PAPPA: variants seen among roughly 807,000 people sequenced by gnomAD.
The protein encoded by PAPPA is pappalysin 1.
Under a neutral mutation model 164.0 loss-of-function variants are expected in PAPPA, and 60 were observed. The ratio of observed to expected loss-of-function variants is 0.37; its 90% CI spans 0.30 to 0.45. PAPPA has a LOEUF of 0.45. PAPPA is among the 20% of genes least tolerant of loss of function. The pLI, the probability that PAPPA is intolerant of heterozygous loss-of-function variation, is 1.00. For missense variants in PAPPA, 1,782 were observed against 2,087.3 expected (o/e 0.85, Z 2.85); for synonymous variants, 875 against 814.1 (o/e 1.07, Z -1.27).
At chr9:116,258,883 C>G (rs193166257) in intron 7 of PAPPA, among the ~76,000 whole-genome samples, 23 of 152,204 alleles carry the variant, frequency 1.5e-4, no homozygotes, top group African/African-American at 4.3e-4. Context: ...CCTGTAATCC[C>G]AACACTTTGG....
intron 7 of PAPPA, among the ~76,000 whole-genome samples, 186 bp from the exon 8 acceptor site, chr9:116,265,671 G>C (rs1256393533): frequency 6.6e-6 from 1 of 152,182 alleles, no homozygotes; most frequent in East Asian, 1.9e-4. Flanking sequence ...TTTTAGTGTA[G>C]TCCATTATAC....
At chr9:116,293,669 A>G (rs1285894238) in intron 9 of PAPPA, among the ~76,000 whole-genome samples, 2 of 152,226 alleles carry the variant, frequency 1.3e-5, no homozygotes, top group African/African-American at 4.8e-5. Flanking sequence ...AAGTATTTCA[A>G]ACAGGCTGGG....
intron 9 of PAPPA, among the ~76,000 whole-genome samples, chr9:116,273,761 G>A (rs961608953): frequency 2.6e-5 from 4 of 152,062 alleles, no homozygotes; most frequent in Admixed American, 2.6e-4. Flanking sequence ...GTGACAGAGC[G>A]AGACCCTGTC....
intron 13 of PAPPA, among the ~76,000 whole-genome samples, chr9:116,337,676 A>C (rs1193265478): frequency 7.3e-4 from 90 of 123,498 alleles, no homozygotes; most frequent in South Asian, 1.6e-3. Context: ...CTTTTCTCCC[A>C]CCTCTCCATC....
At chr9:116,182,998 G>A (rs1843925092) in intron 1 of PAPPA, among the ~76,000 whole-genome samples, 1 of 152,154 alleles carries the variant, frequency 6.6e-6, no homozygotes, top group African/African-American at 2.4e-5. Flanking sequence ...ATTATATGTA[G>A]ATTGTGTGCA....
chr9:116,174,798 A>G (rs1422269517), intron 1 of PAPPA, among the ~76,000 whole-genome samples: 5 of 152,152 alleles, frequency 3.3e-5, no homozygotes. Context: ...TTATTTTTAT[A>G]ACAATGCAAT....
At chr9:116,362,526 CA>C in intron 17 of PAPPA, 65 bp from the exon 18 acceptor site, 2 of 1,516,218 alleles carry the variant, frequency 1.3e-6, no homozygotes, top group Non-Finnish European at 1.8e-6. Context: ...CTGTTGTATT[CA>C]GAATAGCTTA....
At chr9:116,172,501 G>A (rs905650602) in intron 1 of PAPPA, among the ~76,000 whole-genome samples, 6 of 152,192 alleles carry the variant, frequency 3.9e-5, no homozygotes, top group South Asian at 2.1e-4. Context: ...GATCAAAAAC[G>A]TCTGTAGACA....
intron 1 of PAPPA, among the ~76,000 whole-genome samples, chr9:116,170,203 C>T (rs747993634): frequency 1.2e-4 from 19 of 152,252 alleles, no homozygotes; most frequent in Non-Finnish European, 7.4e-5. Context: ...TTTCCTGAAG[C>T]TTGTTCCCAG....
At chr9:116,186,852 T>C (rs1300126133) in intron 1 of PAPPA, among the ~76,000 whole-genome samples, 1 of 152,142 alleles carries the variant, frequency 6.6e-6, no homozygotes, top group Non-Finnish European at 1.5e-5. Flanking sequence ...TACCCTTTCT[T>C]CAAACAAAAA....
At chr9:116,343,380 C>A (rs1172499160) in intron 13 of PAPPA, among the ~76,000 whole-genome samples, 1 of 152,138 alleles carries the variant, frequency 6.6e-6, no homozygotes, top group Non-Finnish European at 1.5e-5. Context: ...CATGAGGCAA[C>A]AGCATTATAG....
At chr9:116,310,752 G>A (rs1845706936) in intron 10 of PAPPA, among the ~76,000 whole-genome samples, 1 of 152,172 alleles carries the variant, frequency 6.6e-6, no homozygotes, top group African/African-American at 2.4e-5. Flanking sequence ...AACTCTGAGT[G>A]ACTGGAGCTT....
intron 1 of PAPPA, among the ~76,000 whole-genome samples, chr9:116,186,242 A>G (rs1184083881): frequency 1.3e-5 from 2 of 148,580 alleles, no homozygotes; most frequent in East Asian, 3.9e-4. Context: ...GTGTGTATCT[A>G]TATCTATATA....
chr9:116,356,906 C>A (rs1846361712), intron 17 of PAPPA, among the ~76,000 whole-genome samples: 1 of 152,150 alleles, frequency 6.6e-6, no homozygotes, highest in Non-Finnish European at 1.5e-5. Context: ...CACCTGTATA[C>A]CCATGTAACA....
intron 5 of PAPPA, among the ~76,000 whole-genome samples, chr9:116,220,666 A>G (rs1434473928): frequency 6.6e-6 from 1 of 151,888 alleles, no homozygotes; most frequent in Non-Finnish European, 1.5e-5. Context: ...AGGTGGGCAG[A>G]TCATGAGGTC....
intron 4 of PAPPA, among the ~76,000 whole-genome samples, chr9:116,215,940 A>G (rs909193898): frequency 5.0e-5 from 6 of 119,220 alleles, no homozygotes; most frequent in Middle Eastern, 4.2e-3. Flanking sequence ...ATTTACATCC[A>G]TATACAAACA....
At chr9:116,364,220 C>T (rs1327217995) in intron 18 of PAPPA, among the ~76,000 whole-genome samples, 1 of 152,222 alleles carries the variant, frequency 6.6e-6, no homozygotes, top group Non-Finnish European at 1.5e-5. Flanking sequence ...GGGTCCCAAC[C>T]TCCAGCTCAA....
intron 17 of PAPPA, 102 bp from the exon 18 acceptor site, chr9:116,362,490 G>A: frequency 1.6e-6 from 2 of 1,288,822 alleles, no homozygotes; most frequent in Non-Finnish European, 2.2e-6. Context: ...ACACTTCAGA[G>A]CTCTGGAGAG....
Position 116,254,358 on chromosome 9 carries a change from G to A in PAPPA, c.2733-11499G>A, listed in dbSNP as rs1401772378. Among the ~76,000 whole-genome samples, 4 of 152,100 alleles carry A rather than the reference G, an allele frequency of 2.6e-5. No homozygotes were observed. The East Asian group carries it at 7.7e-4, about 29-fold the overall frequency. ...AATAATCAAACCATAAATATAATCA[G>A]CTAGCATTAAGCTACTATCTGGGTT... On this transcript the variant is annotated intron_variant, in intron 7 of 21. Coordinates refer to ENST00000328252, the MANE Select transcript of PAPPA (RefSeq NM_002581.5).
Sources: gnomAD v4.1 joint callset for allele counts (sites outside exome capture counted in the v4.1 genomes callset) on GRCh38, gnomAD v4.1.1 for gene constraint, MANE v1.5 for transcripts, NCBI Gene and HGNC (gene_info 2026-07-23, HGNC 2026-07-21) for gene names.